FLNC: variants seen among roughly 807,000 people sequenced by gnomAD.
The protein encoded by FLNC is filamin-C.
In FLNC, 91 loss-of-function variants were observed where a neutral mutation model predicts 254.3. The observed-to-expected ratio is 0.36, with a 90% CI of 0.30 to 0.43. The LOEUF (loss-of-function observed/expected upper bound fraction) is 0.43. Among genes scored for constraint, FLNC ranks in the 20% least tolerant of loss-of-function variants. FLNC has a pLI of 1.00. For missense variants in FLNC, 2,853 were observed against 3,802.6 expected (o/e 0.75, Z 6.57); for synonymous variants, 1,430 against 1,577.2 (o/e 0.91, Z 2.21).
Position 128,836,842 on chromosome 7 carries a change from G to A in FLNC, c.602-318G>A, listed in dbSNP as rs1320536344. The stretch of plus-strand genomic sequence containing the variant: ...GAATGAGGCAAGAGATAGCGAGAGG[G>A]GGTACCCTCCCAGGGTTTGGGGTTC... On this transcript the variant is annotated intron_variant, in intron 2 of 47. Coordinates refer to ENST00000325888, the MANE Select transcript of FLNC (RefSeq NM_001458.5). This position sits in a 1 kb window ranked among gnomAD's most constrained non-coding sequence, Gnocchi z 6.0. Among the ~76,000 whole-genome samples, 1 of 152,194 alleles carries A rather than the reference G, an allele frequency of 6.6e-6. No homozygotes were observed. Among genetic ancestry groups the A allele is most frequent in the Non-Finnish European group, 1.5e-5 (1 of 68,020 alleles).
At chr7:128,839,437 G>A (rs551710022) in intron 8 of FLNC, among the ~76,000 whole-genome samples, 4 of 152,260 alleles carry the variant, frequency 2.6e-5, no homozygotes, top group South Asian at 2.1e-4. Flanking sequence ...AATATGTGTC[G>A]TGTCCTGTTT....
At chr7:128,846,689 T>G (rs1217209317) in intron 23 of FLNC, 56 bp from the exon 24 acceptor site, 14 of 1,564,642 alleles carry the variant, frequency 8.9e-6, no homozygotes, top group Non-Finnish European at 1.2e-5. Context: ...ATTCAGCTAC[T>G]CCCTCATCCT....
In FLNC at chr7:128,854,228, A is replaced by G. The variant is rs759255807; in HGVS notation, c.6727+12A>G. On this transcript the variant is annotated intron_variant, in intron 40 of 47. Coordinates refer to ENST00000325888, the MANE Select transcript of FLNC (RefSeq NM_001458.5). ...CCGGCAGCAGGAGGGTGAGCACCGC[A>G]CACTGGGCCGGCCGGGTCCTCACGG... 5.0e-6 allele frequency: 8 copies of G among 1,605,976 alleles called. No homozygotes were observed. In the South Asian group the frequency reaches 8.8e-5, roughly 18 times the overall value.
rs1042302010 is a variant in FLNC, at chr7:128,836,929, G to A, written c.602-231G>A. Among the ~76,000 whole-genome samples, 5 of 152,236 alleles carry A rather than the reference G, an allele frequency of 3.3e-5. No individual in the cohort carries two copies. Among genetic ancestry groups the A allele is most frequent in the African/African-American group, 7.2e-5 (3 of 41,464 alleles). ...GCCAGCAGGGCTGGTGCCAGGCTGC[G>A]TCAGCCAGGGCAGAAAGGCTTCATT... is the stretch of plus-strand genomic sequence containing the variant. On this transcript the variant is annotated intron_variant, in intron 2 of 47. Transcript: ENST00000325888. This position sits in a 1 kb window ranked among gnomAD's most constrained non-coding sequence, Gnocchi z 6.0.
chr7:128,853,975 A>G lies in FLNC; in HGVS notation c.6486A>G (p.Gly2162=), dbSNP rs1462242192. ...ACCCTGGCTCCCTTGACCACACAGG[A>G]AACTGGTTCCAGATGGTGTCTGCCC... ...STCDLNLKIP[G]NWFQMVSAQE... is the part of the protein sequence containing the mutation. Residue 2162 remains glycine (G), a splice_region_variant and synonymous_variant, in exon 40 of 48, where the codon GGA becomes GGG. Transcript: ENST00000325888. The G allele has an allele frequency of 6.2e-7, 1 of 1,613,334 alleles. No homozygotes were observed. The highest frequency in any genetic ancestry group is 1.7e-5 in the Admixed American group (1 of 60,030).
chr7:128,852,393 G>A (rs921021215), intron 35 of FLNC, among the ~76,000 whole-genome samples, 198 bp from the exon 36 acceptor site: 8 of 152,240 alleles, frequency 5.3e-5, no homozygotes, highest in Non-Finnish European at 1.0e-4. Context: ...TGGAATTGGG[G>A]TACAGGCCCC....
intron 35 of FLNC, among the ~76,000 whole-genome samples, chr7:128,851,897 G>A (rs1808831374): frequency 6.6e-6 from 1 of 152,194 alleles, no homozygotes; most frequent in African/African-American, 2.4e-5. Flanking sequence ...AGGGAGTCTT[G>A]CTCTGTCACC....
chr7:128,837,496 C>A lies in FLNC; in HGVS notation c.798C>A (p.Ala266=). 6.2e-7 allele frequency: 1 copy of A among 1,614,210 alleles called. No individual in the cohort carries two copies. Among genetic ancestry groups the A allele is most frequent in the East Asian group, 2.2e-5 (1 of 44,886 alleles). ...CCAAGGCCAAGCTCAAACCTGGTGCCCCTGTTCGATCCAAGCAGCTGAACC... is the reference window on the plus strand; with the variant it reads ...CCAAGGCCAAGCTCAAACCTGGTGCACCTGTTCGATCCAAGCAGCTGAACC... ...QFPKAKLKPG[A]PVRSKQLNPK... The change falls in exon 4 of 48, where the codon GCC becomes GCA. Residue 266 remains alanine (A), a synonymous_variant. Coordinates refer to ENST00000325888, the MANE Select transcript of FLNC (RefSeq NM_001458.5).
chr7:128,847,636 C>G, intron 24 of FLNC, 61 bp from the exon 25 acceptor site: 3 of 1,605,434 alleles, frequency 1.9e-6, no homozygotes, highest in Non-Finnish European at 2.6e-6. Flanking sequence ...TCCGAGGCTC[C>G]TCAGCATCAG....
chr7:128,857,992 T>G lies in FLNC; in HGVS notation c.7781-16T>G, dbSNP rs1418982837. 2.2e-5 allele frequency: 32 copies of G among 1,483,998 alleles called. No individual in the cohort carries two copies. The highest frequency in any genetic ancestry group is 2.7e-5 in the Non-Finnish European group (29 of 1,076,282). 91.9% of individuals were successfully genotyped at this position (1,483,998 alleles called of 1,614,324 possible). ...CCCTTCTGACTAGGTTTGTGCCCCC[T>G]CCACCCACCCCTCAGGTCCGAGGCT... On this transcript the variant is annotated splice_polypyrimidine_tract_variant and intron_variant, in intron 46 of 47. Transcript: ENST00000325888. This position sits in a 1 kb window ranked among gnomAD's most constrained non-coding sequence, Gnocchi z 4.5.
chr7:128,850,740 G>A (rs1313106215), intron 32 of FLNC, 63 bp from the exon 33 acceptor site: 2 of 1,609,954 alleles, frequency 1.2e-6, no homozygotes, highest in Non-Finnish European at 1.7e-6. Flanking sequence ...ACCAGGCCTG[G>A]GACAGCAGGG....
Position 128,856,995 on chromosome 7 carries a change from A to G in FLNC, c.7561+74A>G. 1.3e-6 allele frequency: 2 copies of G among 1,584,442 alleles called. No individual in the cohort carries two copies. Among genetic ancestry groups the G allele is most frequent in the Non-Finnish European group, 1.7e-6 (2 of 1,155,326 alleles). On this transcript the variant is annotated intron_variant, in intron 45 of 47. Coordinates refer to ENST00000325888, the MANE Select transcript of FLNC (RefSeq NM_001458.5). This position sits in a 1 kb window ranked among gnomAD's most constrained non-coding sequence, Gnocchi z 5.9. ...CACTAGTCTGGTGCTGCTTTGCTCC[A>G]GAGGTAGGGGCCCTGCTTCCTAAGC...
intron 24 of FLNC, among the ~76,000 whole-genome samples, chr7:128,847,338 G>A (rs1160527395): frequency 2.6e-5 from 4 of 152,252 alleles, no homozygotes; most frequent in African/African-American, 9.6e-5. Context: ...ACTTGGGACT[G>A]CTGAAATTGG....
chr7:128,852,828 G>T lies in FLNC; in HGVS notation c.6005G>T (p.Gly2002Val), dbSNP rs747796553. Residue 2002 changes from glycine to valine, a missense_variant and splice_region_variant, in exon 37 of 48, where the codon GGG becomes GTG. Gly to Val is a moderately radical substitution (Grantham distance 109, BLOSUM62 -3). Around this residue, in one of 10 missense-constraint regions of FLNC, gnomAD observed 551 missense variants for 835.0 expected, o/e 0.66. Coordinates refer to ENST00000325888, the MANE Select transcript of FLNC (RefSeq NM_001458.5). ...TCTGCCTAACACCCACTTTCCACAG[G>T]GATCTCCTTCACCCCCAAGGAGGTC... Reference protein sequence around the residue: ...LLKRLPNRHIGISFTPKEVGE... With the variant: ...LLKRLPNRHIVISFTPKEVGE... 2.0e-5 allele frequency: 33 copies of T among 1,613,728 alleles called. No individual in the cohort carries two copies. Among genetic ancestry groups the T allele is most frequent in the Non-Finnish European group, 1.7e-6 (2 of 1,180,044 alleles).
At position 128,853,576 on chromosome 7, in the gene FLNC, G is replaced by A. The variant is rs371373898; in HGVS notation, c.6316G>A (p.Gly2106Ser). The A allele has an allele frequency of 1.9e-5, 31 of 1,613,886 alleles. No homozygotes were observed. The highest frequency in any genetic ancestry group is 2.2e-5 in the Non-Finnish European group (26 of 1,180,032). Residue 2106 changes from glycine to serine, a missense_variant, in exon 38 of 48, where the codon GGC becomes AGC. Gly to Ser is a moderately conservative substitution (Grantham distance 56, BLOSUM62 0). Coordinates refer to ENST00000325888, the MANE Select transcript of FLNC (RefSeq NM_001458.5). ...CKVTYCPTEP[G>S]TYIINIKFAD... ...AGTCACCTACTGCCCCACCGAGCCCGGCACCTACATCATCAACATCAAGTT... is the reference window on the plus strand; with the variant it reads ...AGTCACCTACTGCCCCACCGAGCCCAGCACCTACATCATCAACATCAAGTT...
In FLNC at chr7:128,850,063, C is replaced by A. The variant is rs749076427; in HGVS notation, c.5287C>A (p.Pro1763Thr). 17 of 1,540,246 alleles carry A rather than the reference C, an allele frequency of 1.1e-5. No homozygotes were observed. The South Asian group carries it at 1.7e-4, about 15-fold the overall frequency. ...CGCTCCTCCCCGGCCCGGCGCCCGC[C>A]CCACACACTGGGTACTGCGCCTCCC... ...PYAPPRPGAR[P>T]THWATEEPVV... is the part of the protein sequence containing the mutation. The change falls in exon 31 of 48, where the codon CCC becomes ACC. Residue 1763 changes from proline to threonine, a missense_variant. Pro to Thr is a conservative substitution (Grantham distance 38). This residue lies in a region of FLNC where 258 missense variants were observed against 312.3 expected (regional missense o/e 0.83). Transcript: ENST00000325888.
intron 8 of FLNC, 29 bp from the exon 9 acceptor site, chr7:128,839,994 C>T (rs1808259642): frequency 6.2e-7 from 1 of 1,608,718 alleles, no homozygotes; most frequent in East Asian, 2.2e-5. Flanking sequence ...CCCTCAGCAC[C>T]CCCAACCTCC....
Position 128,836,938 on chromosome 7 carries a change from G to A in FLNC, c.602-222G>A, listed in dbSNP as rs923839841. Among the ~76,000 whole-genome samples the A allele has an allele frequency of 5.3e-5, 8 of 152,254 alleles. No homozygotes were observed. The highest frequency in any genetic ancestry group is 1.9e-4 in the African/African-American group (8 of 41,470). On this transcript the variant is annotated intron_variant, in intron 2 of 47. Coordinates refer to ENST00000325888, the MANE Select transcript of FLNC (RefSeq NM_001458.5). This position sits in a 1 kb window ranked among gnomAD's most constrained non-coding sequence, Gnocchi z 6.0. Reference sequence around the variant, plus strand: ...GCTGGTGCCAGGCTGCGTCAGCCAGGGCAGAAAGGCTTCATTGTTGGTGGT... The same window carrying A: ...GCTGGTGCCAGGCTGCGTCAGCCAGAGCAGAAAGGCTTCATTGTTGGTGGT...
Position 128,837,567 on chromosome 7 carries a change from C to A in FLNC, c.850+19C>A, listed in dbSNP as rs776614185. On this transcript the variant is annotated intron_variant, in intron 4 of 47. Transcript: ENST00000325888. Reference sequence around the variant, plus strand: ...GGGCCTGGTATGTGTGAGCCCCTGGCGGCCCTCCTGGGCAGCTGGGCACAT... The same window carrying A: ...GGGCCTGGTATGTGTGAGCCCCTGGAGGCCCTCCTGGGCAGCTGGGCACAT... The A allele has an allele frequency of 3.8e-5, 61 of 1,613,868 alleles. No individual in the cohort carries two copies. Among genetic ancestry groups the A allele is most frequent in the Non-Finnish European group, 5.0e-5 (59 of 1,180,014 alleles).
Sources: gnomAD v4.1 joint callset for allele counts (sites outside exome capture counted in the v4.1 genomes callset) on GRCh38, gnomAD v4.1.1 for gene constraint, gnomAD v4.1.1 regional missense constraint, Gnocchi (gnomAD v3.1) non-coding constraint, MANE v1.5 for transcripts, NCBI Gene and HGNC (gene_info 2026-07-23, HGNC 2026-07-21) for gene names.